The following KYNU variants were observed in gnomAD, a reference collection of about 807,000 sequenced individuals.
KYNU encodes kynureninase, also known as L-kynurenine hydrolase.
Under a neutral mutation model 59.2 loss-of-function variants are expected in KYNU, and 54 were observed. The ratio of observed to expected loss-of-function variants is 0.91; its 90% confidence interval spans 0.73 to 1.14. The LOEUF (loss-of-function observed/expected upper bound fraction) is 1.14. Among genes scored for constraint, KYNU ranks in the 50% most tolerant of loss-of-function variants. KYNU has a pLI of 0.00. For synonymous variants in KYNU, 177 were observed against 192.0 expected (o/e 0.92, Z 0.65); for missense variants, 567 against 554.4 (o/e 1.02, Z -0.23).
At chr2:143,026,555 C>T (rs758894870) in intron 10 of KYNU, among the ~76,000 whole-genome samples, 6 of 152,228 alleles carry the variant, frequency 3.9e-5, no homozygotes, top group African/African-American at 1.4e-4. Flanking sequence ...CCCACTCACT[C>T]GGACCTGCAG....
At chr2:142,879,707 A>G (rs1190256526) in intron 1 of KYNU, 1 of 152,154 alleles carries the variant, frequency 6.6e-6, no homozygotes, top group Non-Finnish European at 1.5e-5. Flanking sequence ...CTTTTAGTCC[A>G]CTGGTTTCTA....
intron 4 of KYNU, chr2:142,947,750 T>C (rs1683843104): frequency 6.5e-6 from 1 of 153,074 alleles, no homozygotes; most frequent in Admixed American, 6.5e-5. Flanking sequence ...TGCTGTGTGC[T>C]ATAATTATAT....
In KYNU at chr2:143,038,941, G is replaced by A. The variant is rs115055949; in HGVS notation, c.1042-1487G>A. ...ATTAAGTGGCAGGCCAGTGCATCAC[G>A]CTCTGTTTGCAGTTCATTTAGTTCT... On this transcript the variant is annotated intron_variant, in intron 12 of 13. Coordinates refer to ENST00000264170, the MANE Select transcript of KYNU (RefSeq NM_003937.3). Among the ~76,000 whole-genome samples the A allele has an allele frequency of 8.2e-3, 1,243 of 152,212 alleles. 7 individuals carry two copies. The highest frequency in any genetic ancestry group is 0.029 in the African/African-American group (1,194 of 41,544).
intron 11 of KYNU, among the ~76,000 whole-genome samples, chr2:143,032,843 T>A (rs1686796723): frequency 1.3e-5 from 2 of 151,880 alleles, no homozygotes; most frequent in South Asian, 4.2e-4. Context: ...TTGGGAGACA[T>A]TACAATTACA....
In KYNU at chr2:143,029,676, A is replaced by G. The variant is rs1416836319; in HGVS notation, c.952A>G (p.Asn318Asp). 2.6e-6 allele frequency: 4 copies of G among 1,524,724 alleles called. No individual in the cohort carries two copies. Among genetic ancestry groups the G allele is most frequent in the Non-Finnish European group, 3.6e-6 (4 of 1,098,510 alleles). The allele number at this position is 1,524,724 out of a possible 1,614,324, so 94.4% of individuals were successfully genotyped here. A position where few individuals can be genotyped will look rare whatever the true frequency, so the allele number is the denominator to read the frequency against. Residue 318 changes from asparagine (N) to aspartate (D), a missense_variant, in exon 11 of 14, where the codon AAC becomes GAC. By Grantham distance (23) the Asn-to-Asp change is conservative (BLOSUM62 1). Transcript: ENST00000264170. ...HELSTRFKMDNKLQLIPGVCG... is the reference protein window; with the variant it reads ...HELSTRFKMDDKLQLIPGVCG... ...ACTCAGCACCAGATTTAAGATGGATAACAGTAAGTGTATTTATTTTACCTA... is the reference window on the plus strand; with the variant it reads ...ACTCAGCACCAGATTTAAGATGGATGACAGTAAGTGTATTTATTTTACCTA...
rs568513536 is a variant in KYNU at position 142,911,948 on chromosome 2, T to A, written c.170-6661T>A. Among the ~76,000 whole-genome samples, 6 of 152,316 alleles carry A rather than the reference T, an allele frequency of 3.9e-5. No homozygotes were observed. In the East Asian group the frequency reaches 1.2e-3, roughly 29 times the overall value. ...TCATGTGCTTCTGGATTTGGTTTGCTAGTATTTTGTTGATGATTTTTGCTT... is the reference window on the plus strand; with the variant it reads ...TCATGTGCTTCTGGATTTGGTTTGCAAGTATTTTGTTGATGATTTTTGCTT... On this transcript the variant is annotated intron_variant, in intron 2 of 13. Coordinates refer to ENST00000264170, the MANE Select transcript of KYNU (RefSeq NM_003937.3).
chr2:143,033,176 A>T, intron 11 of KYNU, 60 bp from the exon 12 acceptor site: 1 of 1,157,522 alleles, frequency 8.6e-7, no homozygotes, highest in South Asian at 1.2e-5. Context: ...GTACTCTAGT[A>T]TCTTTATGGA....
chr2:142,923,632 A>G (rs1337691556), intron 3 of KYNU, among the ~76,000 whole-genome samples: 1 of 152,220 alleles, frequency 6.6e-6, no homozygotes, highest in Non-Finnish European at 1.5e-5. Context: ...TTCAGCTAGA[A>G]CAGAAGGATA....
In KYNU at chr2:143,046,840, C is replaced by T. The variant is rs953790195; in HGVS notation, c.*4668C>T. On this transcript the variant is annotated 3_prime_UTR_variant, in exon 14 of 14. Coordinates refer to ENST00000264170, the MANE Select transcript of KYNU (RefSeq NM_003937.3). ...AATAAATCTATTGTGTTCCATAAAA[C>T]CCCTGTTGGGATTTCAATTGAACTG... 5 of 152,038 alleles carry T rather than the reference C, an allele frequency of 3.3e-5. No individual in the cohort carries two copies. Among genetic ancestry groups the T allele is most frequent in the African/African-American group, 1.2e-4 (5 of 41,382 alleles). 9.4% of individuals were successfully genotyped at this position (152,038 alleles called of 1,614,324 possible). A position where few individuals can be genotyped will look rare whatever the true frequency, so the allele number is the denominator to read the frequency against.
At chr2:143,040,062 T>C (rs561936128) in intron 12 of KYNU, among the ~76,000 whole-genome samples, 27 of 152,212 alleles carry the variant, frequency 1.8e-4, no homozygotes, top group African/African-American at 6.3e-4. Flanking sequence ...ATAAGGGCAC[T>C]GACTTTTTTA....
intron 4 of KYNU, chr2:142,947,485 C>A: frequency 3.2e-6 from 1 of 312,964 alleles, no homozygotes; most frequent in Non-Finnish European, 5.9e-6. Context: ...TGAGATGGTC[C>A]ATGACATTGC....
In KYNU at chr2:142,955,869, A is replaced by G. The variant is rs148622839; in HGVS notation, c.436-334A>G. On this transcript the variant is annotated intron_variant, in intron 5 of 13. Transcript: ENST00000264170. ...TTACCATGAAATGCTTTGGGAAGATAATTTGTCAATTAACAGCTTTTTTTG... is the reference window on the plus strand; with the variant it reads ...TTACCATGAAATGCTTTGGGAAGATGATTTGTCAATTAACAGCTTTTTTTG... Among the ~76,000 whole-genome samples, 611 of 152,244 alleles carry G rather than the reference A, an allele frequency of 4.0e-3. 4 individuals carry two copies. The highest frequency in any genetic ancestry group is 0.014 in the African/African-American group (592 of 41,570).
intron 2 of KYNU, among the ~76,000 whole-genome samples, chr2:142,917,747 G>A (rs761892766): frequency 6.6e-6 from 1 of 152,186 alleles, no homozygotes; most frequent in Non-Finnish European, 1.5e-5. Flanking sequence ...CTTAAAAGAT[G>A]CCAATGAAAA....
chr2:142,910,763 G>T (rs955350460), intron 2 of KYNU, among the ~76,000 whole-genome samples: 1 of 152,160 alleles, frequency 6.6e-6, no homozygotes, highest in Non-Finnish European at 1.5e-5. Flanking sequence ...GTGAAAGGTA[G>T]GGGTCCAGTT....
chr2:142,926,309 G>T (rs1683043314), intron 3 of KYNU, among the ~76,000 whole-genome samples: 1 of 151,864 alleles, frequency 6.6e-6, no homozygotes, highest in Non-Finnish European at 1.5e-5. Context: ...TATATAGCAG[G>T]CTCAAATATT....
chr2:143,024,777 G>C (rs1331731530), intron 10 of KYNU, among the ~76,000 whole-genome samples: 1 of 151,898 alleles, frequency 6.6e-6, no homozygotes, highest in Admixed American at 6.6e-5. Flanking sequence ...TTTCAATGTA[G>C]ATTCAAATCA....
chr2:142,885,057 GT>G (rs1317289212), intron 1 of KYNU, among the ~76,000 whole-genome samples: 2 of 120,404 alleles, frequency 1.7e-5, no homozygotes, highest in East Asian at 5.2e-4. Flanking sequence ...TAGAGATGAG[GT>G]TTCACCATGT....
At chr2:142,952,179 C>T (rs972190584) in intron 4 of KYNU, among the ~76,000 whole-genome samples, 5 of 152,056 alleles carry the variant, frequency 3.3e-5, no homozygotes, top group Non-Finnish European at 7.4e-5. Context: ...CAGGCTCAAG[C>T]GATTCTCCAA....
chr2:142,962,570 G>A (rs562806896), intron 8 of KYNU, among the ~76,000 whole-genome samples: 1 of 152,192 alleles, frequency 6.6e-6, no homozygotes, highest in African/African-American at 2.4e-5. Context: ...TAAGTACTTT[G>A]ATTGCTAAAG....
Sources: gnomAD v4.1 joint callset for allele counts (sites outside exome capture counted in the v4.1 genomes callset) on GRCh38, gnomAD v4.1.1 for gene constraint, MANE v1.5 for transcripts, NCBI Gene and HGNC (gene_info 2026-07-23, HGNC 2026-07-21) for gene names.